Variants in HIPK2 observed in about 807,000 individuals in gnomAD.
HIPK2 encodes homeodomain-interacting protein kinase 2.
Under a neutral mutation model 113.7 loss-of-function variants are expected in HIPK2, and 27 were observed. The ratio of observed to expected loss-of-function variants is 0.24; its 90% CI spans 0.17 to 0.33. The LOEUF (loss-of-function observed/expected upper bound fraction) is 0.33. Ranked by LOEUF, HIPK2 falls within the 10% of genes least tolerant of loss-of-function variation. The pLI, the probability that HIPK2 is intolerant of heterozygous loss-of-function variation, is 1.00. For synonymous variants in HIPK2, 631 were observed against 642.2 expected, an observed-to-expected ratio of 0.98 and a Z score of 0.26; for missense variants, 1,257 against 1,588.0, an observed-to-expected ratio of 0.79 and a Z score of 3.54.
chr7:139,672,970 G>T (rs1802356807), intron 2 of HIPK2, among the ~76,000 whole-genome samples: 1 of 152,050 alleles, frequency 6.6e-6, no homozygotes, highest in Non-Finnish European at 1.5e-5. Context: ...AATGCGAGCT[G>T]GAACAAAGCC....
intron 1 of HIPK2, among the ~76,000 whole-genome samples, chr7:139,735,739 G>A (rs780754083): frequency 7.6e-4 from 116 of 152,334 alleles, no homozygotes; most frequent in Non-Finnish European, 1.5e-3. Context: ...ACACGAGAGT[G>A]CACCCCAAGG....
rs762282085 is a variant in HIPK2, at chr7:139,716,765, G to A, written c.270C>T (p.Thr90=). The A allele has an allele frequency of 5.0e-6, 8 of 1,613,790 alleles. No individual in the cohort carries two copies. The highest frequency in any genetic ancestry group is 3.3e-5 in the South Asian group (3 of 91,076). The change falls in exon 2 of 15, where the codon ACC becomes ACT. Residue 90 remains threonine, a synonymous_variant. Transcript: ENST00000406875. The surrounding 1 kb of genome is among the most constrained non-coding windows in gnomAD (Gnocchi z 9.3). ...YEQTIVFPGS[T]GHIVVTSASS... ...TTGCTGAGGTGACCACGATGTGCCC[G>A]GTGCTTCCTGGGAAGACGATGGTCT... is the stretch of plus-strand genomic sequence containing the variant.
chr7:139,612,993 C>A (rs1381093437), intron 9 of HIPK2: 1 of 185,564 alleles, frequency 5.4e-6, no homozygotes, highest in Admixed American at 6.5e-5. Flanking sequence ...CCAGACTCTC[C>A]CTGTATCTAA....
intron 1 of HIPK2, among the ~76,000 whole-genome samples, chr7:139,769,993 G>A (rs950867420): frequency 5.3e-5 from 8 of 152,192 alleles, no homozygotes; most frequent in African/African-American, 1.4e-4. Context: ...CCGAAAGCAC[G>A]TGTGCATTCT....
intron 14 of HIPK2, among the ~76,000 whole-genome samples, chr7:139,574,174 T>C (rs952083179): frequency 6.6e-5 from 10 of 152,146 alleles, no homozygotes; most frequent in African/African-American, 2.4e-4. Context: ...CTGTAAAATC[T>C]TGTTCTCAAA....
chr7:139,712,322 G>C (rs560156030), intron 2 of HIPK2, among the ~76,000 whole-genome samples: 1 of 152,338 alleles, frequency 6.6e-6, no homozygotes, highest in South Asian at 2.1e-4. Flanking sequence ...TCCCCAAGGC[G>C]AGGATAACAT....
intron 10 of HIPK2, among the ~76,000 whole-genome samples, chr7:139,602,018 T>A (rs1171012813): frequency 1.3e-5 from 2 of 148,830 alleles, no homozygotes; most frequent in African/African-American, 5.0e-5. Flanking sequence ...AGTGGTGCGA[T>A]CTCGGCTCAC....
At chr7:139,583,739 G>C in intron 13 of HIPK2, 78 bp downstream of exon 13, 1 of 1,552,046 alleles carries the variant, frequency 6.4e-7, no homozygotes, top group South Asian at 1.2e-5. Flanking sequence ...CTCCCATACA[G>C]CAACATTTCT....
chr7:139,626,107 CTT>C (rs545931727), intron 6 of HIPK2, among the ~76,000 whole-genome samples: 11 of 143,722 alleles, frequency 7.7e-5, no homozygotes, highest in Admixed American at 1.4e-4. Context: ...TTTTTCTTTC[CTT>C]TTTTTTTTTT....
intron 1 of HIPK2, among the ~76,000 whole-genome samples, chr7:139,766,411 A>G (rs1796554209): frequency 6.6e-6 from 1 of 152,142 alleles, no homozygotes; most frequent in Admixed American, 6.5e-5. Context: ...CCTCTACCAC[A>G]TTCCTACATG....
At chr7:139,695,359 G>A (rs944736492) in intron 2 of HIPK2, among the ~76,000 whole-genome samples, 14 of 152,082 alleles carry the variant, frequency 9.2e-5, no homozygotes, top group Admixed American at 2.0e-4. Flanking sequence ...TGTGTGGCCC[G>A]GGGCTGCCTT....
intron 2 of HIPK2, among the ~76,000 whole-genome samples, chr7:139,664,688 T>G (rs1460404887): frequency 6.6e-6 from 1 of 152,198 alleles, no homozygotes; most frequent in East Asian, 1.9e-4. Flanking sequence ...AGTGAGTGGC[T>G]CTGAGCTGTA....
intron 1 of HIPK2, among the ~76,000 whole-genome samples, chr7:139,720,602 C>T (rs1795379694): frequency 6.6e-6 from 1 of 152,212 alleles, no homozygotes; most frequent in Non-Finnish European, 1.5e-5. Flanking sequence ...CAGAATATGG[C>T]TATTCCCTAT....
intron 12 of HIPK2, among the ~76,000 whole-genome samples, chr7:139,588,337 G>A (rs1231323299): frequency 6.7e-6 from 1 of 149,070 alleles, no homozygotes; most frequent in Non-Finnish European, 1.5e-5. Flanking sequence ...CTGGCCCCCT[G>A]CTGAAAAAAA....
intron 2 of HIPK2, among the ~76,000 whole-genome samples, chr7:139,667,454 A>G (rs1802087462): frequency 6.6e-6 from 1 of 152,232 alleles, no homozygotes; most frequent in African/African-American, 2.4e-5. Flanking sequence ...TGAAAAACTG[A>G]CCTTTAGAAG....
At chr7:139,641,430 T>G (rs1801015657) in intron 2 of HIPK2, among the ~76,000 whole-genome samples, 1 of 151,960 alleles carries the variant, frequency 6.6e-6, no homozygotes, top group Non-Finnish European at 1.5e-5. Flanking sequence ...CTTCCTTGTG[T>G]GGAGAAATAC....
intron 1 of HIPK2, among the ~76,000 whole-genome samples, chr7:139,763,491 C>T (rs1796504788): frequency 1.3e-5 from 2 of 149,732 alleles, no homozygotes; most frequent in Admixed American, 6.7e-5. Flanking sequence ...CCCACACGCC[C>T]CTCCCACCAC....
At chr7:139,636,642 C>T (rs543301909) in intron 2 of HIPK2, among the ~76,000 whole-genome samples, 1 of 152,174 alleles carries the variant, frequency 6.6e-6, no homozygotes, top group South Asian at 2.1e-4. Flanking sequence ...CCACCCGAGG[C>T]AGGAAGAGAC....
At chr7:139,772,915 T>C (rs1164288855) in intron 1 of HIPK2, among the ~76,000 whole-genome samples, 5 of 150,662 alleles carry the variant, frequency 3.3e-5, no homozygotes, top group Non-Finnish European at 5.9e-5. Context: ...GAAGAAAGCA[T>C]AGGCATGTTA....
Sources: allele counts gnomAD v4.1 joint callset (sites outside exome capture counted in the v4.1 genomes callset), GRCh38; gene constraint gnomAD v4.1.1; non-coding constraint Gnocchi (gnomAD v3.1); transcripts MANE v1.5; gene names NCBI Gene and HGNC (gene_info 2026-07-23, HGNC 2026-07-21).